Variants in TMEM74 observed in about 807,000 individuals in gnomAD.
TMEM74 encodes the protein transmembrane protein 74.
TMEM74 carries 13 observed loss-of-function variants against 18.1 expected under a neutral mutation model. The ratio of observed to expected loss-of-function variants is 0.72; its 90% CI spans 0.47 to 1.14. TMEM74 has a LOEUF of 1.14. Ranked by LOEUF, TMEM74 falls within the 50% of genes most tolerant of loss-of-function variation. The pLI is 0.00. For missense variants in TMEM74, 372 were observed against 375.9 expected, an observed-to-expected ratio of 0.99 and a Z score of 0.09; for synonymous variants, 159 against 146.6, an observed-to-expected ratio of 1.08 and a Z score of -0.61.
intron 1 of TMEM74, among the ~76,000 whole-genome samples, chr8:108,700,874 T>A (rs1327182411): frequency 2.0e-5 from 3 of 152,180 alleles, no homozygotes; most frequent in Non-Finnish European, 4.4e-5. Context: ...TGGGCTTTTA[T>A]CATTCCTGCA....
chr8:108,666,642 G>A (rs1402586864), intron 1 of TMEM74, among the ~76,000 whole-genome samples: 1 of 152,060 alleles, frequency 6.6e-6, no homozygotes, highest in African/African-American at 2.4e-5. Flanking sequence ...CATCATCTTA[G>A]TATTGAGAGA....
chr8:108,694,210 C>G (rs1400486185), intron 1 of TMEM74, among the ~76,000 whole-genome samples: 3 of 152,186 alleles, frequency 2.0e-5, no homozygotes, highest in Admixed American at 6.5e-5. Flanking sequence ...AGTACATTCA[C>G]AATGTTGTGC....
chr8:108,634,898 G>A (rs994019096), intron 2 of TMEM74, among the ~76,000 whole-genome samples: 1 of 151,988 alleles, frequency 6.6e-6, no homozygotes. Context: ...TGATCTGAGA[G>A]TTTTCTGTCC....
intron 1 of TMEM74, among the ~76,000 whole-genome samples, chr8:108,766,331 T>G (rs976930277): frequency 2.6e-4 from 39 of 152,084 alleles, no homozygotes; most frequent in African/African-American, 9.4e-4. Context: ...GAATGTTCTT[T>G]GTAGAGGCAA....
intron 1 of TMEM74, among the ~76,000 whole-genome samples, chr8:108,750,392 A>G (rs926805744): frequency 6.6e-6 from 1 of 152,182 alleles, no homozygotes; most frequent in Non-Finnish European, 1.5e-5. Context: ...CAAGGAACTC[A>G]TAAGTGAGAG....
At chr8:108,693,625 A>G (rs1032890380) in intron 1 of TMEM74, among the ~76,000 whole-genome samples, 1 of 152,238 alleles carries the variant, frequency 6.6e-6, no homozygotes, top group African/African-American at 2.4e-5. Context: ...AAGTGTTACC[A>G]AATGCCTTCC....
chr8:108,761,639 A>C (rs1031462559), intron 1 of TMEM74, among the ~76,000 whole-genome samples: 11 of 152,074 alleles, frequency 7.2e-5, no homozygotes, highest in Non-Finnish European at 1.3e-4. Flanking sequence ...CCACAGGCAA[A>C]AATATGTTAC....
chr8:108,692,254 G>A (rs1361386819), intron 1 of TMEM74, among the ~76,000 whole-genome samples: 1 of 152,174 alleles, frequency 6.6e-6, no homozygotes, highest in Non-Finnish European at 1.5e-5. Flanking sequence ...ACTAGCAAAG[G>A]TTAACAGAAA....
At position 108,784,526 on chromosome 8, in the gene TMEM74, G is replaced by A. The variant is rs145156371; in HGVS notation, c.573C>T (p.Leu191=). 9.8e-4 allele frequency: 1,576 copies of A among 1,614,034 alleles called. 1 individual carries two copies. Among genetic ancestry groups the A allele is most frequent in the Non-Finnish European group, 1.3e-3 (1,515 of 1,180,054 alleles). ...GTGGGACGATGTAAGAGATGATCACGAGCAGGATCCCAGTGACCAAGAACA... is the reference window on the plus strand; with the variant it reads ...GTGGGACGATGTAAGAGATGATCACAAGCAGGATCCCAGTGACCAAGAACA... ...AILFLVTGIL[L]VIISYIVPRE... Residue 191 remains leucine, a synonymous_variant, in exon 2 of 2, where the codon CTC becomes CTT. Coordinates refer to ENST00000297459, the MANE Select transcript of TMEM74 (RefSeq NM_153015.3).
intron 1 of TMEM74, among the ~76,000 whole-genome samples, chr8:108,696,504 TAG>T (rs1563528593): frequency 6.6e-6 from 1 of 152,236 alleles, no homozygotes; most frequent in African/African-American, 2.4e-5. Context: ...GGTGTGCAAA[TAG>T]CGGTAGCAAA....
intron 1 of TMEM74, among the ~76,000 whole-genome samples, chr8:108,676,637 T>A (rs367730429): frequency 7.9e-5 from 12 of 152,240 alleles, no homozygotes; most frequent in African/African-American, 2.7e-4. Flanking sequence ...TAGTAAAATG[T>A]GTAATGTATA....
chr8:108,612,104 A>G (rs890584134), intron 2 of TMEM74, among the ~76,000 whole-genome samples: 1 of 152,084 alleles, frequency 6.6e-6, no homozygotes, highest in Non-Finnish European at 1.5e-5. Flanking sequence ...ATCACCTCCC[A>G]ATGGGCCCCT....
chr8:108,701,179 C>G (rs1328137270), intron 1 of TMEM74, among the ~76,000 whole-genome samples: 1 of 144,996 alleles, frequency 6.9e-6, no homozygotes, highest in East Asian at 2.2e-4. Context: ...TGACAAAATC[C>G]AACACCCATT....
intron 1 of TMEM74, among the ~76,000 whole-genome samples, chr8:108,658,102 GGCT>G (rs1401021335): frequency 6.6e-6 from 1 of 151,228 alleles, no homozygotes; most frequent in Non-Finnish European, 1.5e-5. Context: ...CATTCCTGGT[GGCT>G]GCTGGCCATA....
chr8:108,611,349 T>C (rs1290116104), intron 2 of TMEM74, among the ~76,000 whole-genome samples: 1 of 152,164 alleles, frequency 6.6e-6, no homozygotes, highest in Non-Finnish European at 1.5e-5. Flanking sequence ...TCACTAACTT[T>C]CCTAAGCTAG....
intron 2 of TMEM74, among the ~76,000 whole-genome samples, chr8:108,635,072 A>G (rs1052861146): frequency 2.0e-5 from 3 of 151,982 alleles, no homozygotes; most frequent in African/African-American, 7.2e-5. Context: ...TTTCAAATGT[A>G]TCATGGTCAA....
At chr8:108,708,809 CAAAA>C (rs71564016) in intron 1 of TMEM74, among the ~76,000 whole-genome samples, 1 of 17,940 alleles carries the variant, frequency 5.6e-5, no homozygotes, top group Non-Finnish European at 8.4e-5. Context: ...AACTCAATAG[CAAAA>C]AAAAAAAAAA....
intron 2 of TMEM74, among the ~76,000 whole-genome samples, chr8:108,637,409 G>A (rs1812617466): frequency 6.6e-6 from 1 of 152,074 alleles, no homozygotes; most frequent in South Asian, 2.1e-4. Flanking sequence ...ATTTTACATT[G>A]AAAAAGGACT....
chr8:108,653,561 C>T (rs186317555), intron 2 of TMEM74, among the ~76,000 whole-genome samples: 248 of 152,264 alleles, frequency 1.6e-3, no homozygotes, highest in Middle Eastern at 6.8e-3. Context: ...CCCAAAACCA[C>T]ATGGCTTTGG....
Sources: allele counts gnomAD v4.1 joint callset (sites outside exome capture counted in the v4.1 genomes callset), GRCh38; gene constraint gnomAD v4.1.1; transcripts MANE v1.5; gene names NCBI Gene and HGNC (gene_info 2026-07-23, HGNC 2026-07-21).